The following PLEKHG4 variants were observed in gnomAD, a reference collection of about 807,000 sequenced individuals.
PLEKHG4 encodes the protein puratrophin-1.
A neutral mutation model predicts 136.9 loss-of-function variants in PLEKHG4; 85 were observed. The observed-to-expected ratio is 0.62, with a 90% CI of 0.52 to 0.74. The LOEUF is 0.74. Among genes scored for constraint, PLEKHG4 ranks in the 30% least tolerant of loss-of-function variants. PLEKHG4 has a pLI of 0.00. For synonymous variants in PLEKHG4, 577 were observed against 646.9 expected (o/e 0.89, Z 1.64); for missense variants, 1,317 against 1,527.8 (o/e 0.86, Z 2.30).
Position 67,280,584 on chromosome 16 carries a change from G to A in PLEKHG4, c.499+41G>A. The A allele has an allele frequency of 6.2e-7, 1 of 1,613,000 alleles. No homozygotes were observed. The highest frequency in any genetic ancestry group is 8.5e-7 in the Non-Finnish European group (1 of 1,179,752). On this transcript the variant is annotated intron_variant, in intron 2 of 21. Transcript: ENST00000379344. This position sits in a 1 kb window ranked among gnomAD's most constrained non-coding sequence, Gnocchi z 4.4. Reference sequence around the variant, plus strand: ...CTAGGGAAGTCTGGGAAGGGAATGGGGATGCCTGGAGAGATGAGTGTCAAG... The same window carrying A: ...CTAGGGAAGTCTGGGAAGGGAATGGAGATGCCTGGAGAGATGAGTGTCAAG...
chr16:67,287,101 C>T lies in PLEKHG4; in HGVS notation c.3027C>T (p.Ala1009=). 2 of 1,612,880 alleles carry T rather than the reference C, an allele frequency of 1.2e-6. No individual in the cohort carries two copies. Among genetic ancestry groups the T allele is most frequent in the Non-Finnish European group, 1.7e-6 (2 of 1,180,034 alleles). ...RKARDTFVLQ[A]SSLAIKQAWT... ...CCAGGGACACCTTTGTGCTGCAGGCCTCCAGCCTGGCTATCAAGCAGGCCT... is the reference window on the plus strand; with the variant it reads ...CCAGGGACACCTTTGTGCTGCAGGCTTCCAGCCTGGCTATCAAGCAGGCCT... Residue 1009 remains alanine (A), a synonymous_variant, in exon 18 of 22, where the codon GCC becomes GCT. Coordinates refer to ENST00000379344, the MANE Select transcript of PLEKHG4 (RefSeq NM_001129729.3).
chr16:67,286,999 G>A lies in PLEKHG4; in HGVS notation c.2926-1G>A. ...AAGCCCCTCTCTCCCGCTGGCCACA[G>A]ATGGCAGACCTTGGTCTCACTGAGT... On this transcript the variant is annotated splice_acceptor_variant, in intron 17 of 21. Coordinates refer to ENST00000379344, the MANE Select transcript of PLEKHG4 (RefSeq NM_001129729.3). LOFTEE classifies it high-confidence loss of function. The A allele has an allele frequency of 6.2e-7, 1 of 1,613,190 alleles. No homozygotes were observed. Among genetic ancestry groups the A allele is most frequent in the South Asian group, 1.1e-5 (1 of 91,086 alleles).
At position 67,280,961 on chromosome 16, in the gene PLEKHG4, C is replaced by T. The variant is rs1253498852; in HGVS notation, c.675C>T (p.Ser225=). Residue 225 remains serine (S), a synonymous_variant, in exon 4 of 22, where the codon AGC becomes AGT. Transcript: ENST00000379344. The surrounding 1 kb of genome is among the most constrained non-coding windows in gnomAD (Gnocchi z 4.4). ...SPAWLQSECS[S]QELIRLLLYL... is the part of the protein sequence containing the mutation. The stretch of plus-strand genomic sequence containing the variant: ...CCTGGCTTCAGTCTGAGTGCAGCAG[C>T]CAGGAACTCATCCGCCTCCTGCTGT... 1 of 1,613,680 alleles carries T rather than the reference C, an allele frequency of 6.2e-7. No individual in the cohort carries two copies. Among genetic ancestry groups the T allele is most frequent in the Non-Finnish European group, 8.5e-7 (1 of 1,180,028 alleles).
At position 67,288,197 on chromosome 16, in the gene PLEKHG4, C is replaced by T; in HGVS notation, c.3251C>T (p.Ala1084Val). ...EVRSRASIAVAPFDHDSLYLG... is the reference protein window; with the variant it reads ...EVRSRASIAVVPFDHDSLYLG... ...CGCTCTCGGGCGTCCATTGCCGTAGCCCCGTTTGACCATGACAGCCTCTAC... is the reference window on the plus strand; with the variant it reads ...CGCTCTCGGGCGTCCATTGCCGTAGTCCCGTTTGACCATGACAGCCTCTAC... The change falls in exon 20 of 22, where the codon GCC becomes GTC. Residue 1084 changes from alanine to valine, a missense_variant. Coordinates refer to ENST00000379344, the MANE Select transcript of PLEKHG4 (RefSeq NM_001129729.3). 6.2e-7 allele frequency: 1 copy of T among 1,614,066 alleles called. No homozygotes were observed. Among genetic ancestry groups the T allele is most frequent in the Non-Finnish European group, 8.5e-7 (1 of 1,180,016 alleles).
chr16:67,281,665 G>C (rs2036232782), intron 6 of PLEKHG4, 21 bp downstream of exon 6: 1 of 1,613,682 alleles, frequency 6.2e-7, no homozygotes, highest in Admixed American at 1.7e-5. Context: ...CAGTTGGCTA[G>C]GGGTAGAGGT....
In PLEKHG4 at chr16:67,284,292, G is replaced by C; in HGVS notation, c.1527G>C (p.Gly509=). 1 of 1,613,972 alleles carries C rather than the reference G, an allele frequency of 6.2e-7. No individual in the cohort carries two copies. Among genetic ancestry groups the C allele is most frequent in the Non-Finnish European group, 8.5e-7 (1 of 1,179,950 alleles). ...YQVAQEQVRQ[G]EKFLQPLTGW... ...CTCTGCAGGAGCAGGTCAGGCAAGG[G>C]GAGAAGTTTCTGCAGCCGCTGACTG... Residue 509 remains glycine, a synonymous_variant, in exon 12 of 22, where the codon GGG becomes GGC. Coordinates refer to ENST00000379344, the MANE Select transcript of PLEKHG4 (RefSeq NM_001129729.3). The surrounding 1 kb of genome is among the most constrained non-coding windows in gnomAD (Gnocchi z 4.4).
Position 67,286,626 on chromosome 16 carries a change from G to T in PLEKHG4, c.2714G>T (p.Gly905Val). ...QSLVHFQLRH[G>V]NDLLAMDAIQ... ...CTTGTGCACTTCCAGCTGCGGCACGGAAACGACCTGCTGGCCATGGACGCC... is the reference window on the plus strand; with the variant it reads ...CTTGTGCACTTCCAGCTGCGGCACGTAAACGACCTGCTGGCCATGGACGCC... The change falls in exon 16 of 22, where the codon GGA becomes GTA. Residue 905 changes from glycine to valine, a missense_variant. By Grantham distance (109) the Gly-to-Val change is moderately radical. Coordinates refer to ENST00000379344, the MANE Select transcript of PLEKHG4 (RefSeq NM_001129729.3). The T allele has an allele frequency of 6.4e-7, 1 of 1,564,860 alleles. No individual in the cohort carries two copies. The highest frequency in any genetic ancestry group is 2.4e-5 in the East Asian group (1 of 41,664).
intron 18 of PLEKHG4, 181 bp from the exon 19 acceptor site, chr16:67,287,717 A>C: frequency 1.5e-6 from 1 of 664,750 alleles, no homozygotes. Flanking sequence ...TAAAAGGGGA[A>C]TATGGCACCT....
rs1170239083 is a variant in PLEKHG4 at position 67,284,729 on chromosome 16, AG to A, written c.1711del (p.Glu571ArgfsTer77). ...GTGTTGCAGGCCTTGACGTGGGCTG[AG>A]GAGGGGCAGCGAGTGTTGGCAGAGC... is the stretch of plus-strand genomic sequence containing the variant. ...QLFREALTWAEEGQRVLAELE... is the reference protein window; with the variant it reads ...QLFREALTWAXEGQRVLAELE... On this transcript the variant is annotated frameshift_variant, in exon 13 of 22. Transcript: ENST00000379344. LOFTEE classifies it high-confidence loss of function. This position sits in a 1 kb window ranked among gnomAD's most constrained non-coding sequence, Gnocchi z 4.4. 6.2e-7 allele frequency: 1 copy of A among 1,613,792 alleles called. No individual in the cohort carries two copies.
chr16:67,289,224 C>A lies in PLEKHG4; in HGVS notation c.*416C>A. The A allele has an allele frequency of 2.3e-6, 1 of 439,338 alleles. No individual in the cohort carries two copies. The highest frequency in any genetic ancestry group is 4.2e-6 in the Non-Finnish European group (1 of 240,842). The allele number at this position is 439,338 out of a possible 1,614,324, so 27.2% of individuals were successfully genotyped here. ...TGATCCCCAATGCCTGGCCTTAAAG[C>A]CGAGCTCAGTTACCATAGGGACAGG... On this transcript the variant is annotated 3_prime_UTR_variant, in exon 22 of 22. Coordinates refer to ENST00000379344, the MANE Select transcript of PLEKHG4 (RefSeq NM_001129729.3).
Position 67,286,611 on chromosome 16 carries a change from T to TC in PLEKHG4, c.2701dup (p.Gln901ProfsTer18). 1 of 1,561,940 alleles carries TC rather than the reference T, an allele frequency of 6.4e-7. No homozygotes were observed. Among genetic ancestry groups the TC allele is most frequent in the Non-Finnish European group, 8.7e-7 (1 of 1,152,500 alleles). ...CGGGAGGCCCAGAGCCTTGTGCACT[T>TC]CCAGCTGCGGCACGGAAACGACCTG... On this transcript the variant is annotated frameshift_variant, in exon 16 of 22. Coordinates refer to ENST00000379344, the MANE Select transcript of PLEKHG4 (RefSeq NM_001129729.3). LOFTEE classifies it high-confidence loss of function.
rs2036616290 is a variant in PLEKHG4 at position 67,288,885 on chromosome 16, AG to A, written c.*80del. On this transcript the variant is annotated 3_prime_UTR_variant, in exon 22 of 22. Transcript: ENST00000379344. ...TTGCCTCTCTGGATCTGCTGTGACC[AG>A]GGTGTGGCTGACACCTGGGCTACCT... 4 of 1,543,602 alleles carry A rather than the reference AG, an allele frequency of 2.6e-6. No individual in the cohort carries two copies. The highest frequency in any genetic ancestry group is 1.7e-4 in the Middle Eastern group (1 of 5,936).
In PLEKHG4 at chr16:67,282,844, T is replaced by C; in HGVS notation, c.1495T>C (p.Tyr499His). The C allele has an allele frequency of 2.5e-6, 4 of 1,613,126 alleles. No homozygotes were observed. The highest frequency in any genetic ancestry group is 3.4e-6 in the Non-Finnish European group (4 of 1,179,788). Residue 499 changes from tyrosine (Y) to histidine (H), a missense_variant, in exon 11 of 22, where the codon TAC (tyrosine) becomes CAC (histidine). Coordinates refer to ENST00000379344, the MANE Select transcript of PLEKHG4 (RefSeq NM_001129729.3). ...GGCCCAAGGCTCTTTTCAGGAGCTG[T>C]ACCAGGTTGCCCAGGTATATGTGGT... ...LQAQGSFQEL[Y>H]QVAQEQVRQG... is the part of the protein sequence containing the mutation.
At position 67,287,695 on chromosome 16, in the gene PLEKHG4, G is replaced by A. The variant is rs535671527; in HGVS notation, c.3104-203G>A. ...GGCGTGAGCCACTGCGCCCAGCCAG[G>A]GGCCTCATCTTTAAAAGGGGAATAT... On this transcript the variant is annotated intron_variant, in intron 18 of 21. Coordinates refer to ENST00000379344, the MANE Select transcript of PLEKHG4 (RefSeq NM_001129729.3). 4.7e-6 allele frequency: 3 copies of A among 636,978 alleles called. No homozygotes were observed. In the East Asian group the frequency reaches 8.4e-5, roughly 18 times the overall value. 39.5% of individuals were successfully genotyped at this position (636,978 alleles called of 1,614,324 possible). A position where few individuals can be genotyped will look rare whatever the true frequency, so the allele number is the denominator to read the frequency against.
At position 67,284,733 on chromosome 16, in the gene PLEKHG4, G is replaced by A; in HGVS notation, c.1713G>A (p.Glu571=). The A allele has an allele frequency of 6.2e-7, 1 of 1,613,886 alleles. No homozygotes were observed. Among genetic ancestry groups the A allele is most frequent in the Non-Finnish European group, 8.5e-7 (1 of 1,179,966 alleles). ...TGCAGGCCTTGACGTGGGCTGAGGA[G>A]GGGCAGCGAGTGTTGGCAGAGCTGG... ...LFREALTWAE[E]GQRVLAELEQ... Residue 571 remains glutamate, a synonymous_variant, in exon 13 of 22, where the codon GAG becomes GAA. Transcript: ENST00000379344. This position sits in a 1 kb window ranked among gnomAD's most constrained non-coding sequence, Gnocchi z 4.4.
At chr16:67,283,251 C>T (rs1054202037) in intron 11 of PLEKHG4, among the ~76,000 whole-genome samples, 3 of 151,928 alleles carry the variant, frequency 2.0e-5, no homozygotes, top group African/African-American at 7.3e-5. Context: ...GGACGGTGTG[C>T]CTGAGGAATC....
Position 67,285,151 on chromosome 16 carries a change from G to T in PLEKHG4, c.2131G>T (p.Ala711Ser). The T allele has an allele frequency of 1.2e-6, 2 of 1,613,406 alleles. No individual in the cohort carries two copies. Among genetic ancestry groups the T allele is most frequent in the Non-Finnish European group, 8.5e-7 (1 of 1,179,992 alleles). ...CCGCAGACCAGAGGCTGGAGGAGGT[G>T]CCCTGCCCCAGGCATCCCCTACTGT... Reference protein sequence around the residue: ...ACRRPEAGGGALPQASPTVPP... With the variant: ...ACRRPEAGGGSLPQASPTVPP... Residue 711 changes from alanine (A) to serine (S), a missense_variant, in exon 13 of 22, where the codon GCC becomes TCC. By Grantham distance (99) the Ala-to-Ser change is moderately conservative. Coordinates refer to ENST00000379344, the MANE Select transcript of PLEKHG4 (RefSeq NM_001129729.3).
Position 67,280,559 on chromosome 16 carries a change from C to G in PLEKHG4, c.499+16C>G, listed in dbSNP as rs1332823139. On this transcript the variant is annotated intron_variant, in intron 2 of 21. Coordinates refer to ENST00000379344, the MANE Select transcript of PLEKHG4 (RefSeq NM_001129729.3). This position sits in a 1 kb window ranked among gnomAD's most constrained non-coding sequence, Gnocchi z 4.4. ...CTGGAGGCAGGTAAGGAAGGCTGGG[C>G]TAGGGAAGTCTGGGAAGGGAATGGG... 3.1e-6 allele frequency: 5 copies of G among 1,612,984 alleles called. No homozygotes were observed. The Admixed American group carries it at 6.7e-5, about 22-fold the overall frequency.
chr16:67,279,754 A>G, intron 1 of PLEKHG4, 122 bp from the exon 2 acceptor site: 1 of 349,390 alleles, frequency 2.9e-6, no homozygotes, highest in South Asian at 4.5e-5. Flanking sequence ...CCCCACGGGC[A>G]TGGGCCTGCA....
Sources: allele counts gnomAD v4.1 joint callset (sites outside exome capture counted in the v4.1 genomes callset), GRCh38; gene constraint gnomAD v4.1.1; non-coding constraint Gnocchi (gnomAD v3.1); transcripts MANE v1.5; gene names NCBI Gene and HGNC (gene_info 2026-07-23, HGNC 2026-07-21).